Variants in OTOG observed in about 807,000 individuals in gnomAD.
OTOG encodes otogelin.
OTOG carries 296 observed loss-of-function variants against 313.8 expected under a neutral mutation model. The observed-to-expected ratio is 0.94, with a 90% CI of 0.86 to 1.04. The LOEUF (loss-of-function observed/expected upper bound fraction) is 1.04, where lower values mean the gene tolerates loss of function less well. Ranked by LOEUF, OTOG falls within the 50% of genes least tolerant of loss-of-function variation. The pLI is 0.00. For missense variants in OTOG, 3,948 were observed against 3,840.1 expected, an observed-to-expected ratio of 1.03 and a Z score of -0.74; for synonymous variants, 1,533 against 1,554.9, an observed-to-expected ratio of 0.99 and a Z score of 0.33.
chr11:17,565,435 C>T (rs1199942898), intron 15 of OTOG, among the ~76,000 whole-genome samples: 1 of 152,086 alleles, frequency 6.6e-6, no homozygotes, highest in Non-Finnish European at 1.5e-5. Flanking sequence ...TTGATTATGA[C>T]CTTGATCATC....
At position 17,641,944 on chromosome 11, in the gene OTOG, T is replaced by C; in HGVS notation, c.8288T>C (p.Leu2763Pro). ...LFTFPNGTTSLFLPGASWIAD... is the reference protein window; with the variant it reads ...LFTFPNGTTSPFLPGASWIAD... ...ACCTTCCCCAATGGCACCACCTCCCTGTTCTTGGTAAGCAGCCCCCTCGCT... is the reference window on the plus strand; with the variant it reads ...ACCTTCCCCAATGGCACCACCTCCCCGTTCTTGGTAAGCAGCCCCCTCGCT... The change falls in exon 52 of 56, where the codon CTG (leucine) becomes CCG (proline). Residue 2763 changes from leucine to proline, a missense_variant. Leu to Pro is a moderately conservative substitution (Grantham distance 98, BLOSUM62 -3). Transcript: ENST00000399397. The C allele has an allele frequency of 6.5e-7, 1 of 1,550,140 alleles. No homozygotes were observed. The highest frequency in any genetic ancestry group is 8.7e-7 in the Non-Finnish European group (1 of 1,146,750).
intron 15 of OTOG, among the ~76,000 whole-genome samples, chr11:17,563,496 G>T (rs1392555527): frequency 6.6e-6 from 1 of 152,210 alleles, no homozygotes; most frequent in African/African-American, 2.4e-5. Flanking sequence ...TTCTGCTAGA[G>T]AATGGCCCAG....
At chr11:17,625,365 G>A (rs921547184) in intron 39 of OTOG, among the ~76,000 whole-genome samples, 2 of 152,152 alleles carry the variant, frequency 1.3e-5, no homozygotes, top group African/African-American at 2.4e-5. Context: ...TAAATATGAA[G>A]CGGTGTTGAG....
intron 28 of OTOG, among the ~76,000 whole-genome samples, chr11:17,594,942 C>T (rs780726235): frequency 4.6e-5 from 7 of 152,194 alleles, no homozygotes; most frequent in Non-Finnish European, 1.0e-4. Flanking sequence ...CTGTGTCAAG[C>T]TCAGCTGGAA....
chr11:17,613,874 A>G (rs138354763), intron 39 of OTOG, among the ~76,000 whole-genome samples, 173 bp downstream of exon 39: 10 of 152,290 alleles, frequency 6.6e-5, no homozygotes, highest in African/African-American at 2.4e-4. Context: ...GATTATAATT[A>G]GAATGCTTGT....
rs1853462797 is a variant in OTOG at position 17,609,158 on chromosome 11, A to C, written c.4303A>C (p.Thr1435Pro). 6.5e-7 allele frequency: 1 copy of C among 1,550,094 alleles called. No individual in the cohort carries two copies. Among genetic ancestry groups the C allele is most frequent in the Non-Finnish European group, 8.7e-7 (1 of 1,146,830 alleles). The change falls in exon 35 of 56, where the codon ACC becomes CCC. Residue 1435 changes from threonine (T) to proline (P), a missense_variant. Physicochemically the swap from Thr to Pro is conservative, Grantham distance 38. Coordinates refer to ENST00000399397, the MANE Select transcript of OTOG (RefSeq NM_001292063.2). Reference protein sequence around the residue: ...RVEGCVPVCPTPQVLDEVTQR... With the variant: ...RVEGCVPVCPPPQVLDEVTQR... ...AGAAGGCTGTGTCCCTGTGTGCCCC[A>C]CCCCCCAGGTCCTGGATGAAGTCAC... is the stretch of plus-strand genomic sequence containing the variant.
At chr11:17,568,890 T>C (rs1419156717) in intron 15 of OTOG, among the ~76,000 whole-genome samples, 3 of 152,226 alleles carry the variant, frequency 2.0e-5, no homozygotes, top group African/African-American at 7.2e-5. Flanking sequence ...CTCTGCTCTG[T>C]GTCTTTAGAT....
intron 12 of OTOG, among the ~76,000 whole-genome samples, 192 bp downstream of exon 12, chr11:17,559,854 A>AGGG (rs1852141684): frequency 1.3e-5 from 2 of 148,360 alleles, no homozygotes; most frequent in African/African-American, 5.0e-5. Flanking sequence ...AGGAGGAAAG[A>AGGG]AGGAAGGGAA....
Position 17,582,489 on chromosome 11 carries a change from T to G in OTOG, c.2759+3963T>G, listed in dbSNP as rs192965920. 1.3e-4 allele frequency among the ~76,000 whole-genome samples: 20 copies of G among 152,354 alleles called. No individual in the cohort carries two copies. The South Asian group carries it at 1.9e-3, about 14-fold the overall frequency. The stretch of plus-strand genomic sequence containing the variant: ...GCTATTTATTTCCCTTGGATGAACA[T>G]TTCAGGGTGGAATTGCTGGGTCCTA... On this transcript the variant is annotated intron_variant, in intron 23 of 55. Transcript: ENST00000399397.
At chr11:17,643,753 G>A (rs1030086282) in intron 54 of OTOG, among the ~76,000 whole-genome samples, 5 of 152,200 alleles carry the variant, frequency 3.3e-5, no homozygotes, top group Non-Finnish European at 5.9e-5. Flanking sequence ...ACAGCCAGAG[G>A]ACATTGGGGC....
At chr11:17,577,768 G>C (rs1011883675) in intron 22 of OTOG, among the ~76,000 whole-genome samples, 1 of 152,094 alleles carries the variant, frequency 6.6e-6, no homozygotes, top group Non-Finnish European at 1.5e-5. Flanking sequence ...TCCCAGCCTG[G>C]GCATGGAACT....
chr11:17,645,964 G>A lies in OTOG; in HGVS notation c.*20G>A, dbSNP rs1420713541. On this transcript the variant is annotated 3_prime_UTR_variant, in exon 56 of 56. Transcript: ENST00000399397. ...TCCTGAGGCCTGGGGGCCCGGGCTAGCTGGACCACCTCTGCCAGCCCCACT... is the reference window on the plus strand; with the variant it reads ...TCCTGAGGCCTGGGGGCCCGGGCTAACTGGACCACCTCTGCCAGCCCCACT... The A allele has an allele frequency of 1.3e-6, 2 of 1,545,186 alleles. No homozygotes were observed. The highest frequency in any genetic ancestry group is 4.9e-5 in the East Asian group (2 of 40,902).
chr11:17,645,970 C>T lies in OTOG; in HGVS notation c.*26C>T, dbSNP rs973709255. 4 of 1,540,292 alleles carry T rather than the reference C, an allele frequency of 2.6e-6. No individual in the cohort carries two copies. The highest frequency in any genetic ancestry group is 2.4e-5 in the East Asian group (1 of 40,872). Reference sequence around the variant, plus strand: ...GGCCTGGGGGCCCGGGCTAGCTGGACCACCTCTGCCAGCCCCACTTTCTGT... The same window carrying T: ...GGCCTGGGGGCCCGGGCTAGCTGGATCACCTCTGCCAGCCCCACTTTCTGT... On this transcript the variant is annotated 3_prime_UTR_variant, in exon 56 of 56. Coordinates refer to ENST00000399397, the MANE Select transcript of OTOG (RefSeq NM_001292063.2).
At chr11:17,645,182 G>A (rs988892071) in intron 54 of OTOG, among the ~76,000 whole-genome samples, 8 of 152,218 alleles carry the variant, frequency 5.3e-5, no homozygotes, top group African/African-American at 1.9e-4. Context: ...GCCCTCTCAG[G>A]ATGGGAAAAC....
At position 17,553,161 on chromosome 11, in the gene OTOG, C is replaced by G. The variant is rs545257884; in HGVS notation, c.335C>G (p.Ala112Gly). The change falls in exon 5 of 56, where the codon GCC (alanine) becomes GGC (glycine). Residue 112 changes from alanine (A) to glycine (G), a missense_variant. Physicochemically the swap from Ala to Gly is moderately conservative, Grantham distance 60. Transcript: ENST00000399397. ...CFNGGECVHPAFCDCRRFNAT... is the reference protein window; with the variant it reads ...CFNGGECVHPGFCDCRRFNAT... ...AATGGAGGCGAGTGTGTGCACCCAG[C>G]CTTCTGTGACTGCAGACGCTTCAAT... 7.2e-5 allele frequency: 112 copies of G among 1,550,568 alleles called. No homozygotes were observed. The Admixed American group carries it at 1.6e-3, about 23-fold the overall frequency.
chr11:17,574,563 G>T (rs1852474849), intron 19 of OTOG, among the ~76,000 whole-genome samples, 157 bp from the exon 20 acceptor site: 1 of 152,206 alleles, frequency 6.6e-6, no homozygotes, highest in South Asian at 2.1e-4. Flanking sequence ...TCAGACCTGG[G>T]TTCAAATCCT....
chr11:17,639,532 C>T (rs1847924292), intron 49 of OTOG, 69 bp downstream of exon 49: 1 of 1,469,074 alleles, frequency 6.8e-7, no homozygotes, highest in Non-Finnish European at 9.3e-7. Flanking sequence ...ATCCCCTCCT[C>T]TAGAGAATCT....
chr11:17,635,769 C>G (rs1028327621), intron 47 of OTOG, 58 bp downstream of exon 47: 4 of 1,398,654 alleles, frequency 2.9e-6, no homozygotes, highest in Non-Finnish European at 4.0e-6. Context: ...TCACAGAGTT[C>G]CCACCCCGGA....
intron 27 of OTOG, 87 bp from the exon 28 acceptor site, chr11:17,593,960 T>G: frequency 6.6e-7 from 1 of 1,513,944 alleles, no homozygotes; most frequent in Non-Finnish European, 8.9e-7. Flanking sequence ...AGGTCTATGA[T>G]AGACTCCTGG....
Sources: allele counts gnomAD v4.1 joint callset (sites outside exome capture counted in the v4.1 genomes callset), GRCh38; gene constraint gnomAD v4.1.1; transcripts MANE v1.5; gene names NCBI Gene and HGNC (gene_info 2026-07-23, HGNC 2026-07-21).